The following SAMMSON variants were observed in gnomAD, a reference collection of about 807,000 sequenced individuals.
SAMMSON encodes the protein survival associated mitochondrial melanoma specific oncogenic non-coding RNA, also known as long intergenic non-protein coding RNA 1212.
chr3:70,027,444 C>T (rs191348154), intron 3 of SAMMSON, among the ~76,000 whole-genome samples: 1 of 152,306 alleles, frequency 6.6e-6, no homozygotes, highest in East Asian at 1.9e-4. Flanking sequence ...AAAGCCTTGA[C>T]TGAAATTTAT....
rs189459186 is a variant in SAMMSON, at chr3:70,396,841, G to A, written n.233+38517G>A. On this transcript the variant is annotated intron_variant and non_coding_transcript_variant, in intron 2 of 3. Coordinates refer to the SAMMSON transcript ENST00000641053. The stretch of plus-strand genomic sequence containing the variant: ...CTCCAGTTATTGTGTTGGGAAGACA[G>A]TGTTGGGGAAGTGTTGGGGAAGACA... Among the ~76,000 whole-genome samples, 1,262 of 152,288 alleles carry A rather than the reference G, an allele frequency of 8.3e-3. 18 individuals carry two copies. The highest frequency in any genetic ancestry group is 0.011 in the Non-Finnish European group (768 of 68,010).
In SAMMSON at chr3:70,076,910, T is replaced by A. The variant is rs539449354; in HGVS notation, n.507+5345T>A. 2.6e-5 allele frequency among the ~76,000 whole-genome samples: 4 copies of A among 152,242 alleles called. No homozygotes were observed. The South Asian group carries it at 8.3e-4, about 32-fold the overall frequency. On this transcript the variant is annotated intron_variant and non_coding_transcript_variant, in intron 4 of 9. Transcript: ENST00000642114. ...ATATTTGTTCAGGGGCTGAAAAAAA[T>A]TATACATTTTACAAAATACAGATAT...
intron 2 of SAMMSON, among the ~76,000 whole-genome samples, chr3:70,401,903 A>T: frequency 6.6e-6 from 1 of 152,284 alleles, no homozygotes; most frequent in East Asian, 1.9e-4. Context: ...ACTGAAGTTT[A>T]TTTTTATAAA....
At chr3:70,351,951 A>AG (rs1702797799) in intron 7 of SAMMSON, among the ~76,000 whole-genome samples, 1 of 152,088 alleles carries the variant, frequency 6.6e-6, no homozygotes, top group Admixed American at 6.6e-5. Flanking sequence ...TCTGAACAAC[A>AG]GAAAAAAAAG....
chr3:70,018,753 A>T (rs2107579899), intron 3 of SAMMSON, among the ~76,000 whole-genome samples: 1 of 152,116 alleles, frequency 6.6e-6, no homozygotes, highest in Non-Finnish European at 1.5e-5. Flanking sequence ...ACTGCTTTGA[A>T]TGTGTCCCAG....
rs528923540 is a variant in SAMMSON at position 70,112,834 on chromosome 3, A to G, written n.507+41269A>G. 1.3e-5 allele frequency among the ~76,000 whole-genome samples: 2 copies of G among 152,348 alleles called. 1 individual carries two copies. The highest frequency in any genetic ancestry group is 4.1e-4 in the South Asian group (2 of 4,832). The stretch of plus-strand genomic sequence containing the variant: ...TTTAAATACAAAGACACTTGCTGAT[A>G]TAGCAGACTTGGTTTTCTTTTTATC... On this transcript the variant is annotated intron_variant and non_coding_transcript_variant, in intron 4 of 9. Coordinates refer to ENST00000642114, the Ensembl canonical transcript of SAMMSON.
intron 4 of SAMMSON, among the ~76,000 whole-genome samples, chr3:70,174,995 C>T (rs1033558241): frequency 2.0e-5 from 3 of 152,072 alleles, no homozygotes. Context: ...AATATGAACA[C>T]TTAACAAGGT....
intron 3 of SAMMSON, among the ~76,000 whole-genome samples, chr3:70,044,917 T>C (rs1431355964): frequency 6.9e-6 from 1 of 144,030 alleles, no homozygotes; most frequent in Non-Finnish European, 1.5e-5. Context: ...TAAAGTAAAA[T>C]ACTTTAATTA....
At chr3:70,355,426 C>T (rs1210489721) in intron 8 of SAMMSON, among the ~76,000 whole-genome samples, 4 of 151,792 alleles carry the variant, frequency 2.6e-5, no homozygotes, top group Admixed American at 6.6e-5. Context: ...CTCATTCATA[C>T]CTGACATTAC....
At chr3:70,173,524 TTA>T (rs1267324060) in intron 4 of SAMMSON, among the ~76,000 whole-genome samples, 1 of 151,928 alleles carries the variant, frequency 6.6e-6, no homozygotes, top group African/African-American at 2.4e-5. Context: ...AGGCATTATA[TTA>T]TCCTTGATCT....
intron 3 of SAMMSON, among the ~76,000 whole-genome samples, chr3:70,056,330 A>G (rs2067167400): frequency 6.6e-6 from 1 of 152,094 alleles, no homozygotes; most frequent in Admixed American, 6.6e-5. Context: ...TAAACAAAAC[A>G]GACAAAAAGT....
At chr3:70,384,956 T>G (rs1401206760) in intron 9 of SAMMSON, among the ~76,000 whole-genome samples, 4 of 152,118 alleles carry the variant, frequency 2.6e-5, no homozygotes, top group Admixed American at 1.3e-4. Flanking sequence ...CTTTCTAATT[T>G]TATTTTATTT....
intron 6 of SAMMSON, among the ~76,000 whole-genome samples, chr3:70,250,655 C>T (rs1006301479): frequency 6.6e-6 from 1 of 152,158 alleles, no homozygotes; most frequent in Non-Finnish European, 1.5e-5. Flanking sequence ...GTTTTTATTT[C>T]ACAAAAATTT....
intron 1 of SAMMSON, among the ~76,000 whole-genome samples, chr3:70,007,096 C>T (rs1323453827): frequency 1.3e-5 from 2 of 152,000 alleles, no homozygotes; most frequent in Non-Finnish European, 2.9e-5. Context: ...TGAATAGTGC[C>T]ACAATAAACA....
Position 70,348,571 on chromosome 3 carries a change from A to C in SAMMSON, n.740-5604A>C, listed in dbSNP as rs907997685. Among the ~76,000 whole-genome samples, 7 of 152,238 alleles carry C rather than the reference A, an allele frequency of 4.6e-5. No homozygotes were observed. In the South Asian group the frequency reaches 1.0e-3, roughly 23 times the overall value. On this transcript the variant is annotated intron_variant and non_coding_transcript_variant, in intron 7 of 9. Transcript: ENST00000642114. ...TCCACCCGAAACCTAATCACCTCCCAAAGGCTCACTCTCCAAATACTATCA... is the reference window on the plus strand; with the variant it reads ...TCCACCCGAAACCTAATCACCTCCCCAAGGCTCACTCTCCAAATACTATCA...
At chr3:70,000,624 T>C (rs559683953) in intron 1 of SAMMSON, among the ~76,000 whole-genome samples, 24 of 152,340 alleles carry the variant, frequency 1.6e-4, no homozygotes, top group Admixed American at 5.9e-4. Flanking sequence ...CTATGCTTAC[T>C]GTATTAGTTA....
At chr3:70,247,643 A>G (rs1264164479) in intron 4 of SAMMSON, among the ~76,000 whole-genome samples, 4 of 151,938 alleles carry the variant, frequency 2.6e-5, no homozygotes, top group Non-Finnish European at 5.9e-5. Context: ...TATGACTCTA[A>G]TAGCACAAGG....
At chr3:70,329,236 T>C (rs1487343094) in intron 7 of SAMMSON, among the ~76,000 whole-genome samples, 3 of 152,170 alleles carry the variant, frequency 2.0e-5, no homozygotes, top group Non-Finnish European at 2.9e-5. Flanking sequence ...GGATTAACCA[T>C]ATATCTTTAA....
At position 70,258,188 on chromosome 3, in the gene SAMMSON, A is replaced by T. The variant is rs188856157; in HGVS notation, n.674+8518A>T. Among the ~76,000 whole-genome samples the T allele has an allele frequency of 2.0e-5, 3 of 152,284 alleles. No individual in the cohort carries two copies. The East Asian group carries it at 5.8e-4, about 29-fold the overall frequency. ...AAGGCAAAAACTATCATGTTCTAGA[A>T]TAAAATATAGGAGAAAATATTTGCA... On this transcript the variant is annotated intron_variant and non_coding_transcript_variant, in intron 6 of 9. Coordinates refer to ENST00000642114, the Ensembl canonical transcript of SAMMSON.
Sources: allele counts gnomAD v4.1 joint callset (sites outside exome capture counted in the v4.1 genomes callset), GRCh38; gene constraint gnomAD v4.1.1; transcripts MANE v1.5; gene names NCBI Gene and HGNC (gene_info 2026-07-23, HGNC 2026-07-21).